ABCD2: variants seen among roughly 807,000 people sequenced by gnomAD.
The protein encoded by ABCD2 is ATP binding cassette subfamily D member 2, also known as ATP-binding cassette sub-family D member 2.
ABCD2 carries 36 observed loss-of-function variants against 70.9 expected under a neutral mutation model. The observed-to-expected ratio is 0.51, with a 90% confidence interval of 0.39 to 0.67. The LOEUF (loss-of-function observed/expected upper bound fraction) is 0.67. Among genes scored for constraint, ABCD2 ranks in the 30% least tolerant of loss-of-function variants. The pLI is 0.00. For missense variants in ABCD2, 729 were observed against 890.2 expected, an observed-to-expected ratio of 0.82 and a Z score of 2.30; for synonymous variants, 304 against 306.9, an observed-to-expected ratio of 0.99 and a Z score of 0.10.
chr12:39,592,345 A>G (rs1221285640), intron 6 of ABCD2, among the ~76,000 whole-genome samples: 1 of 152,246 alleles, frequency 6.6e-6, no homozygotes, highest in Non-Finnish European at 1.5e-5. Flanking sequence ...AAATAAATAG[A>G]TTGCTCATAA....
At chr12:39,597,927 C>T (rs1376879079) in intron 6 of ABCD2, among the ~76,000 whole-genome samples, 5 of 152,116 alleles carry the variant, frequency 3.3e-5, no homozygotes, top group Non-Finnish European at 7.3e-5. Context: ...ATTATTAACA[C>T]TGCTAAAGTA....
intron 8 of ABCD2, among the ~76,000 whole-genome samples, chr12:39,575,409 C>T (rs982730946): frequency 1.3e-5 from 2 of 151,944 alleles, no homozygotes; most frequent in South Asian, 2.1e-4. Flanking sequence ...AGCTAGAATT[C>T]GATACTGATA....
intron 3 of ABCD2, among the ~76,000 whole-genome samples, chr12:39,606,913 G>A (rs1941976253): frequency 1.3e-5 from 2 of 152,174 alleles, no homozygotes; most frequent in Admixed American, 6.5e-5. Context: ...TATTAGAAAT[G>A]TAAAGATGAG....
intron 3 of ABCD2, among the ~76,000 whole-genome samples, chr12:39,606,823 C>T (rs1053598652): frequency 1.2e-4 from 19 of 152,110 alleles, no homozygotes; most frequent in African/African-American, 4.3e-4. Context: ...TAACCTTGGC[C>T]CTGTGGTATC....
At chr12:39,615,808 A>G (rs1401386004) in intron 2 of ABCD2, among the ~76,000 whole-genome samples, 2 of 152,134 alleles carry the variant, frequency 1.3e-5, no homozygotes, top group Non-Finnish European at 2.9e-5. Flanking sequence ...CTTCAAACAA[A>G]TAACTATTCA....
At chr12:39,589,384 G>GTTTT (rs397850115) in intron 6 of ABCD2, among the ~76,000 whole-genome samples, 6 of 125,122 alleles carry the variant, frequency 4.8e-5, no homozygotes, top group African/African-American at 6.2e-5. Flanking sequence ...TTTGGTCTGG[G>GTTTT]TTTTTTTTTT....
intron 9 of ABCD2, among the ~76,000 whole-genome samples, chr12:39,563,783 C>T (rs1390141106): frequency 6.6e-6 from 1 of 152,160 alleles, no homozygotes; most frequent in Non-Finnish European, 1.5e-5. Context: ...ACCCTCCCCT[C>T]ACCTCACAAC....
chr12:39,591,212 C>G (rs958414492), intron 6 of ABCD2, among the ~76,000 whole-genome samples: 1 of 152,076 alleles, frequency 6.6e-6, no homozygotes, highest in African/African-American at 2.4e-5. Flanking sequence ...ATCATTGCAT[C>G]AGGGTTTTTC....
At chr12:39,601,447 C>T (rs1217254609) in intron 5 of ABCD2, among the ~76,000 whole-genome samples, 1 of 151,578 alleles carries the variant, frequency 6.6e-6, no homozygotes, top group Non-Finnish European at 1.5e-5. Context: ...CTATTGGATG[C>T]TTCCCTTTAT....
At chr12:39,561,602 G>A (rs1941259997) in intron 9 of ABCD2, among the ~76,000 whole-genome samples, 1 of 151,952 alleles carries the variant, frequency 6.6e-6, no homozygotes, top group Admixed American at 6.6e-5. Context: ...TATAAAAGAG[G>A]CCAAGAATGT....
At chr12:39,607,859 A>G (rs1941991948) in intron 2 of ABCD2, 145 bp from the exon 3 acceptor site, 3 of 647,878 alleles carry the variant, frequency 4.6e-6, no homozygotes, top group Non-Finnish European at 8.0e-6. Context: ...CTAGAAATAT[A>G]ATGAATCATT....
intron 9 of ABCD2, among the ~76,000 whole-genome samples, chr12:39,570,873 T>C (rs1041261418): frequency 6.6e-6 from 1 of 152,112 alleles, no homozygotes; most frequent in African/African-American, 2.4e-5. Context: ...CCAACATATA[T>C]AAGAAATTCA....
At chr12:39,549,077 G>A (rs1941054085), downstream of ABCD2, among the ~76,000 whole-genome samples, 1 of 151,918 alleles carries the variant, frequency 6.6e-6, no homozygotes, top group African/African-American at 2.4e-5. Flanking sequence ...AGTTTTACAT[G>A]ATCTGAACTT....
At chr12:39,567,561 T>G (rs546561714) in intron 9 of ABCD2, among the ~76,000 whole-genome samples, 1 of 152,222 alleles carries the variant, frequency 6.6e-6, no homozygotes, top group Non-Finnish European at 1.5e-5. Flanking sequence ...TACAGCACAC[T>G]GATGAGTCTT....
At chr12:39,570,239 A>G (rs1167274482) in intron 9 of ABCD2, among the ~76,000 whole-genome samples, 1 of 152,256 alleles carries the variant, frequency 6.6e-6, no homozygotes, top group Admixed American at 6.5e-5. Flanking sequence ...AAAAAATTCT[A>G]AAATTTGTGT....
intron 6 of ABCD2, among the ~76,000 whole-genome samples, chr12:39,597,849 T>C (rs1345526338): frequency 6.6e-6 from 1 of 152,208 alleles, no homozygotes; most frequent in Non-Finnish European, 1.5e-5. Flanking sequence ...GAAACTAATT[T>C]ATCTACCAAC....
intron 9 of ABCD2, among the ~76,000 whole-genome samples, chr12:39,567,765 G>C (rs868112278): frequency 6.6e-6 from 1 of 152,108 alleles, no homozygotes; most frequent in Non-Finnish European, 1.5e-5. Context: ...GGCTGGTACC[G>C]GTTGTTCCTT....
intron 8 of ABCD2, 85 bp downstream of exon 8, chr12:39,579,450 T>C (rs1941566022): frequency 1.1e-6 from 1 of 906,194 alleles, no homozygotes; most frequent in Non-Finnish European, 1.8e-6. Flanking sequence ...AGACGATAAA[T>C]CCTGTCCAAA....
At chr12:39,580,500 T>C (rs954588042) in intron 7 of ABCD2, among the ~76,000 whole-genome samples, 2 of 152,212 alleles carry the variant, frequency 1.3e-5, no homozygotes, top group African/African-American at 2.4e-5. Flanking sequence ...ATCATTGTCT[T>C]TCTGTAAATA....
Sources: gnomAD v4.1 joint callset for allele counts (sites outside exome capture counted in the v4.1 genomes callset) on GRCh38, gnomAD v4.1.1 for gene constraint, MANE v1.5 for transcripts, NCBI Gene and HGNC (gene_info 2026-07-23, HGNC 2026-07-21) for gene names.